The following ADK variants were observed in gnomAD, a reference collection of about 807,000 sequenced individuals.
ADK encodes the protein N6,N6-dimethyladenosine kinase.
In ADK, 24 loss-of-function variants were observed where a neutral mutation model predicts 44.7. That is an observed-to-expected ratio of 0.54 (90% CI 0.39 to 0.76). ADK has a LOEUF of 0.76. Ranked by LOEUF, ADK falls within the 30% of genes least tolerant of loss-of-function variation. ADK has a pLI of 0.00. For missense variants in ADK, 321 were observed against 425.1 expected (o/e 0.76, Z 2.15); for synonymous variants, 128 against 142.6 (o/e 0.90, Z 0.73).
intron 7 of ADK, among the ~76,000 whole-genome samples, chr10:74,572,878 A>G (rs1055894625): frequency 4.0e-5 from 6 of 151,808 alleles, no homozygotes; most frequent in Non-Finnish European, 8.8e-5. Context: ...ACTTCTCTAT[A>G]TTGGTTATTC....
chr10:74,272,080 G>A (rs975751523), intron 3 of ADK, among the ~76,000 whole-genome samples: 5 of 152,088 alleles, frequency 3.3e-5, no homozygotes, highest in African/African-American at 1.2e-4. Context: ...GTCAAAATAT[G>A]TGTAGTTATT....
At chr10:74,472,069 G>A (rs1401618226) in intron 6 of ADK, among the ~76,000 whole-genome samples, 1 of 151,978 alleles carries the variant, frequency 6.6e-6, no homozygotes, top group Non-Finnish European at 1.5e-5. Flanking sequence ...GTTGGGCCTG[G>A]TGGTATGCTC....
chr10:74,563,225 ACTT>A (rs999722844), intron 7 of ADK, among the ~76,000 whole-genome samples: 8 of 151,990 alleles, frequency 5.3e-5, no homozygotes, highest in Admixed American at 2.0e-4. Flanking sequence ...TCCACACCTG[ACTT>A]CTTTCTGTTT....
intron 4 of ADK, among the ~76,000 whole-genome samples, chr10:74,332,201 A>G (rs905727775): frequency 6.6e-6 from 1 of 152,226 alleles, no homozygotes; most frequent in Non-Finnish European, 1.5e-5. Context: ...TAAAAATTTT[A>G]TAATTTGATT....
At chr10:74,702,395 G>A (rs1192143351) in intron 10 of ADK, among the ~76,000 whole-genome samples, 1 of 151,788 alleles carries the variant, frequency 6.6e-6, no homozygotes, top group Non-Finnish European at 1.5e-5. Flanking sequence ...TATTGACCAG[G>A]CTGGTCTTGA....
intron 3 of ADK, among the ~76,000 whole-genome samples, chr10:74,280,615 TCCTAATGC>T (rs1485443692): frequency 6.6e-6 from 1 of 152,184 alleles, no homozygotes; most frequent in Non-Finnish European, 1.5e-5. Flanking sequence ...TTGTAGAGAT[TCCTAATGC>T]CACCCAGTGT....
At chr10:74,152,666 CTATT>C (rs1336245888) in intron 1 of ADK, among the ~76,000 whole-genome samples, 2 of 152,014 alleles carry the variant, frequency 1.3e-5, no homozygotes, top group African/African-American at 2.4e-5. Flanking sequence ...CTGTGTTTTC[CTATT>C]TATTATCTTG....
chr10:74,295,890 A>G (rs1050918734), intron 3 of ADK, among the ~76,000 whole-genome samples: 4 of 152,098 alleles, frequency 2.6e-5, no homozygotes, highest in Non-Finnish European at 4.4e-5. Flanking sequence ...CCTTTTCCCT[A>G]CAGTATCTTT....
At position 74,217,866 on chromosome 10, in the gene ADK, A is replaced by G. The variant is rs1471564071; in HGVS notation, c.141-6672A>G. 2.6e-5 allele frequency among the ~76,000 whole-genome samples: 4 copies of G among 152,094 alleles called. No homozygotes were observed. The South Asian group carries it at 6.2e-4, about 24-fold the overall frequency. On this transcript the variant is annotated intron_variant, in intron 2 of 10. Coordinates refer to ENST00000539909, the MANE Select transcript of ADK (RefSeq NM_006721.4). The stretch of plus-strand genomic sequence containing the variant: ...GAAAGGACATCCACACCAAAAACCC[A>G]TCTGTACATCACCATCATCAAAGAC...
intron 6 of ADK, among the ~76,000 whole-genome samples, chr10:74,489,956 G>A (rs892619989): frequency 3.3e-5 from 5 of 151,824 alleles, no homozygotes; most frequent in Non-Finnish European, 5.9e-5. Context: ...AATAAGTAGA[G>A]TTTCTATGAT....
intron 6 of ADK, among the ~76,000 whole-genome samples, chr10:74,481,821 G>A (rs1327443143): frequency 2.6e-5 from 4 of 152,130 alleles, no homozygotes; most frequent in African/African-American, 9.7e-5. Flanking sequence ...GGTTACACAT[G>A]TATTTCATAC....
At chr10:74,506,222 A>T (rs1848069200) in intron 6 of ADK, 1 of 162,060 alleles carries the variant, frequency 6.2e-6, no homozygotes, top group South Asian at 1.7e-4. Flanking sequence ...CTGCTGTCGT[A>T]GCTGCAGTGA....
intron 2 of ADK, among the ~76,000 whole-genome samples, chr10:74,207,613 A>G (rs1334188425): frequency 1.3e-5 from 2 of 152,118 alleles, no homozygotes; most frequent in Non-Finnish European, 2.9e-5. Flanking sequence ...TCCTTTCCAC[A>G]GTTGGTAGTC....
intron 6 of ADK, among the ~76,000 whole-genome samples, chr10:74,452,207 C>T (rs1375497836): frequency 6.6e-6 from 1 of 151,938 alleles, no homozygotes; most frequent in Non-Finnish European, 1.5e-5. Flanking sequence ...TTTGAATTTT[C>T]AGAGTAGCCC....
intron 3 of ADK, among the ~76,000 whole-genome samples, chr10:74,302,101 GTTTGTTTGTTTT>G (rs1840063420): frequency 7.7e-4 from 9 of 11,694 alleles, no homozygotes; most frequent in African/African-American, 2.3e-3. Context: ...TTTTTTTTTT[GTTTGTTTGTTTT>G]TTTTTTTTTT....
intron 6 of ADK, among the ~76,000 whole-genome samples, chr10:74,523,046 A>G (rs1001739105): frequency 6.6e-6 from 1 of 152,146 alleles, no homozygotes; most frequent in African/African-American, 2.4e-5. Flanking sequence ...CTGGAGTCAT[A>G]TGAATCCAGG....
At chr10:74,496,273 GCT>G (rs1221876965) in intron 6 of ADK, among the ~76,000 whole-genome samples, 1 of 152,098 alleles carries the variant, frequency 6.6e-6, no homozygotes, top group African/African-American at 2.4e-5. Context: ...CTATGGTTTT[GCT>G]CTGTGTCCCC....
At chr10:74,675,059 A>T (rs1015546579) in intron 10 of ADK, among the ~76,000 whole-genome samples, 1 of 152,140 alleles carries the variant, frequency 6.6e-6, no homozygotes, top group Non-Finnish European at 1.5e-5. Context: ...TGGTTAATAT[A>T]TTCATCCTGT....
chr10:74,323,135 G>A (rs144975130), intron 4 of ADK, among the ~76,000 whole-genome samples: 49 of 152,320 alleles, frequency 3.2e-4, no homozygotes, highest in African/African-American at 1.2e-3. Flanking sequence ...ACTACAAGCA[G>A]TGGGACCTAA....
Sources: allele counts gnomAD v4.1 joint callset (sites outside exome capture counted in the v4.1 genomes callset), GRCh38; gene constraint gnomAD v4.1.1; transcripts MANE v1.5; gene names NCBI Gene and HGNC (gene_info 2026-07-23, HGNC 2026-07-21).